The following HMBOX1 variants were observed in gnomAD, a reference collection of about 807,000 sequenced individuals.
The protein encoded by HMBOX1 is homeobox containing 1.
A neutral mutation model predicts 54.5 loss-of-function variants in HMBOX1; 14 were observed. The ratio of observed to expected loss-of-function variants is 0.26; its 90% CI spans 0.17 to 0.40. HMBOX1 has a LOEUF of 0.40. Ranked by LOEUF, HMBOX1 falls within the 10% of genes least tolerant of loss-of-function variation. The pLI is 1.00. For missense variants in HMBOX1, 332 were observed against 514.4 expected (o/e 0.65, Z 3.43); for synonymous variants, 160 against 181.0 (o/e 0.88, Z 0.93).
chr8:28,944,764 A>T (rs1229366047), intron 1 of HMBOX1, among the ~76,000 whole-genome samples: 2 of 152,182 alleles, frequency 1.3e-5, no homozygotes, highest in Non-Finnish European at 2.9e-5. Context: ...TAATTCCTTC[A>T]AGATGGTTAG....
intron 6 of HMBOX1, among the ~76,000 whole-genome samples, chr8:29,021,510 T>G (rs539042971): frequency 6.6e-6 from 1 of 152,156 alleles, no homozygotes; most frequent in African/African-American, 2.4e-5. Flanking sequence ...ACTCTATCTT[T>G]ATTGGGCTAA....
At chr8:28,946,353 G>C (rs1224592557) in intron 1 of HMBOX1, among the ~76,000 whole-genome samples, 1 of 151,812 alleles carries the variant, frequency 6.6e-6, no homozygotes, top group Non-Finnish European at 1.5e-5. Flanking sequence ...CGGATCACTT[G>C]AGGTCAGGAG....
chr8:28,978,489 T>C (rs768769960), intron 3 of HMBOX1, among the ~76,000 whole-genome samples: 5 of 152,022 alleles, frequency 3.3e-5, no homozygotes, highest in African/African-American at 7.2e-5. Flanking sequence ...AAGGATATAA[T>C]GAAGAGACGT....
chr8:28,897,294 T>A (rs1008370663), intron 1 of HMBOX1, among the ~76,000 whole-genome samples: 1 of 151,992 alleles, frequency 6.6e-6, no homozygotes, highest in Admixed American at 6.6e-5. Flanking sequence ...TTTTTTTTTT[T>A]AAATGAGGAA....
At chr8:29,047,086 A>G (rs533584265) in intron 7 of HMBOX1, among the ~76,000 whole-genome samples, 11 of 152,338 alleles carry the variant, frequency 7.2e-5, no homozygotes, top group African/African-American at 2.6e-4. Context: ...TAGCCAACTG[A>G]CTTTGTGGAA....
intron 1 of HMBOX1, among the ~76,000 whole-genome samples, chr8:28,915,329 G>A (rs951265639): frequency 7.2e-5 from 11 of 151,934 alleles, no homozygotes; most frequent in African/African-American, 1.7e-4. Flanking sequence ...AAGCTGAGGC[G>A]GGCGGATCAC....
intron 1 of HMBOX1, among the ~76,000 whole-genome samples, chr8:28,901,464 A>G (rs188979282): frequency 2.6e-5 from 4 of 151,798 alleles, no homozygotes; most frequent in Admixed American, 2.6e-4. Context: ...CTCTCACCTA[A>G]TTTGTCAGTG....
At chr8:29,024,931 G>A (rs139361015) in intron 6 of HMBOX1, among the ~76,000 whole-genome samples, 10 of 152,198 alleles carry the variant, frequency 6.6e-5, no homozygotes, top group Admixed American at 2.0e-4. Flanking sequence ...ATAGGAGCTC[G>A]AACTCTTCAT....
At chr8:29,049,569 C>G in intron 9 of HMBOX1, 1 of 843,130 alleles carries the variant, frequency 1.2e-6, no homozygotes, top group Admixed American at 3.0e-5. Flanking sequence ...GTCTCTGGCA[C>G]ACTGACACAT....
intron 6 of HMBOX1, among the ~76,000 whole-genome samples, chr8:29,028,094 T>A (rs1802354725): frequency 6.6e-6 from 1 of 152,184 alleles, no homozygotes; most frequent in Non-Finnish European, 1.5e-5. Flanking sequence ...TTTAAAAAAT[T>A]AATCCAAAAT....
At chr8:28,961,228 T>A (rs893603360) in intron 1 of HMBOX1, among the ~76,000 whole-genome samples, 4 of 152,354 alleles carry the variant, frequency 2.6e-5, no homozygotes, top group African/African-American at 9.6e-5. Context: ...GAAATATGCA[T>A]AACATAAAAT....
chr8:29,049,860 T>C (rs930575902), intron 9 of HMBOX1, among the ~76,000 whole-genome samples: 1 of 152,234 alleles, frequency 6.6e-6, no homozygotes, highest in Non-Finnish European at 1.5e-5. Context: ...GTCTGTGCTT[T>C]TTTCTTGCTC....
At chr8:28,909,647 G>T (rs1815028346) in intron 1 of HMBOX1, among the ~76,000 whole-genome samples, 1 of 152,056 alleles carries the variant, frequency 6.6e-6, no homozygotes, top group African/African-American at 2.4e-5. Flanking sequence ...CAATCTACAG[G>T]TGCCTCGCCT....
At chr8:28,912,975 T>A (rs919527153) in intron 1 of HMBOX1, among the ~76,000 whole-genome samples, 1 of 152,228 alleles carries the variant, frequency 6.6e-6, no homozygotes, top group African/African-American at 2.4e-5. Context: ...CTATTCAAGC[T>A]AAAAACCTGA....
chr8:28,913,911 C>G (rs1815998394), intron 1 of HMBOX1, among the ~76,000 whole-genome samples: 1 of 148,500 alleles, frequency 6.7e-6, no homozygotes, highest in African/African-American at 2.5e-5. Context: ...ACTCTTGTCA[C>G]CCAGGCTGGA....
chr8:28,988,781 T>C (rs1318059671), intron 4 of HMBOX1, among the ~76,000 whole-genome samples: 2 of 152,238 alleles, frequency 1.3e-5, no homozygotes, highest in Non-Finnish European at 2.9e-5. Context: ...ATCAGGTTGT[T>C]TGCCTTATTT....
intron 1 of HMBOX1, among the ~76,000 whole-genome samples, chr8:28,895,002 CT>C (rs1278229442): frequency 6.6e-6 from 1 of 150,800 alleles, no homozygotes; most frequent in Admixed American, 6.6e-5. Context: ...ATTATTTTAA[CT>C]TTTTCACCCT....
chr8:28,990,680 G>C (rs1196941407), intron 4 of HMBOX1, among the ~76,000 whole-genome samples: 8 of 151,810 alleles, frequency 5.3e-5, no homozygotes, highest in Non-Finnish European at 1.5e-5. Context: ...TTTTCAGACG[G>C]TGTCTTGCTC....
At chr8:28,951,194 A>G (rs1320416649) in intron 1 of HMBOX1, among the ~76,000 whole-genome samples, 8 of 152,172 alleles carry the variant, frequency 5.3e-5, no homozygotes, top group Admixed American at 5.2e-4. Context: ...GTGCAGTGGC[A>G]CGTTCTCAGC....
Sources: allele counts gnomAD v4.1 joint callset (sites outside exome capture counted in the v4.1 genomes callset), GRCh38; gene constraint gnomAD v4.1.1; transcripts MANE v1.5; gene names NCBI Gene and HGNC (gene_info 2026-07-23, HGNC 2026-07-21).